Variants in PCDH15 observed in about 807,000 individuals in gnomAD.
PCDH15 encodes the protein protocadherin related 15.
A neutral mutation model predicts 178.5 loss-of-function variants in PCDH15; 129 were observed. The ratio of observed to expected loss-of-function variants is 0.72; its 90% CI spans 0.63 to 0.84. The LOEUF is 0.84. Ranked by LOEUF, PCDH15 falls within the 40% of genes least tolerant of loss-of-function variation. The pLI is 0.00. For missense variants in PCDH15, 2,230 were observed against 2,099.9 expected (o/e 1.06, Z -1.21); for synonymous variants, 800 against 732.0 (o/e 1.09, Z -1.50).
intron 2 of PCDH15, among the ~76,000 whole-genome samples, chr10:55,401,472 G>A (rs1838064536): frequency 6.6e-6 from 1 of 152,056 alleles, no homozygotes; most frequent in African/African-American, 2.4e-5. Context: ...GTACATCACT[G>A]TATTTGTAAT....
At chr10:54,746,685 T>C (rs1045072204) in intron 1 of PCDH15, among the ~76,000 whole-genome samples, 1 of 152,186 alleles carries the variant, frequency 6.6e-6, no homozygotes, top group Admixed American at 6.5e-5. Context: ...TCACAACCAG[T>C]ATATATATTT....
intron 28 of PCDH15, among the ~76,000 whole-genome samples, chr10:53,855,899 G>GATATATATATATATATATATATATAT (rs1324732057): frequency 1.3e-5 from 1 of 77,840 alleles, no homozygotes; most frequent in African/African-American, 7.4e-5. Flanking sequence ...AAAAAAAGGT[G>GATATATATATATATATATATATATAT]ATATGTATAT....
chr10:53,983,793 T>TA (rs1421795625), intron 21 of PCDH15, among the ~76,000 whole-genome samples: 1 of 152,184 alleles, frequency 6.6e-6, no homozygotes, highest in East Asian at 1.9e-4. Flanking sequence ...CAAAGGAACT[T>TA]AGAGATGAAC....
At chr10:55,369,150 C>A (rs1845436462) in intron 2 of PCDH15, among the ~76,000 whole-genome samples, 1 of 151,700 alleles carries the variant, frequency 6.6e-6, no homozygotes, top group Admixed American at 6.6e-5. Context: ...CTCTCTGTAA[C>A]CTTATCAACT....
At chr10:54,734,645 C>T (rs1943842222) in intron 1 of PCDH15, among the ~76,000 whole-genome samples, 1 of 151,838 alleles carries the variant, frequency 6.6e-6, no homozygotes, top group Non-Finnish European at 1.5e-5. Context: ...AAATGGTAAG[C>T]AATCGAAATG....
chr10:54,878,728 T>C (rs1954200162), intron 3 of PCDH15, among the ~76,000 whole-genome samples: 1 of 152,132 alleles, frequency 6.6e-6, no homozygotes, highest in Non-Finnish European at 1.5e-5. Context: ...GTTACATAGG[T>C]AAATGTGTGC....
intron 2 of PCDH15, among the ~76,000 whole-genome samples, chr10:54,980,810 TA>T: frequency 6.6e-6 from 1 of 152,224 alleles, no homozygotes; most frequent in Non-Finnish European, 1.5e-5. Context: ...TTATTGATAT[TA>T]AAATTGTACC....
At chr10:54,156,925 C>G (rs558855158) in intron 13 of PCDH15, among the ~76,000 whole-genome samples, 3 of 152,338 alleles carry the variant, frequency 2.0e-5, no homozygotes, top group African/African-American at 7.2e-5. Flanking sequence ...ATTAAAGCTC[C>G]AAAATGATCT....
chr10:54,279,449 CT>C (rs2058544970), intron 8 of PCDH15, among the ~76,000 whole-genome samples: 1 of 151,556 alleles, frequency 6.6e-6, no homozygotes, highest in Non-Finnish European at 1.5e-5. Context: ...AAACTCACAA[CT>C]TCAAAAAAAT....
intron 2 of PCDH15, among the ~76,000 whole-genome samples, chr10:54,980,782 G>C (rs1006353265): frequency 1.3e-5 from 2 of 151,266 alleles, no homozygotes; most frequent in African/African-American, 4.9e-5. Flanking sequence ...TTTTCTATTA[G>C]GTAATTTAAT....
At chr10:55,252,678 G>T (rs997956196) in intron 1 of PCDH15, among the ~76,000 whole-genome samples, 12 of 151,912 alleles carry the variant, frequency 7.9e-5, no homozygotes, top group Non-Finnish European at 2.9e-5. Context: ...AGGGCCAAGG[G>T]GGGTAAAGTG....
At chr10:54,613,975 A>C (rs1346682014) in intron 2 of PCDH15, among the ~76,000 whole-genome samples, 3 of 151,984 alleles carry the variant, frequency 2.0e-5, no homozygotes, top group Non-Finnish European at 2.9e-5. Flanking sequence ...TCCATTGAAT[A>C]GTTTATTATT....
intron 1 of PCDH15, among the ~76,000 whole-genome samples, chr10:54,712,219 T>C (rs10740589): frequency 0.57 from 86,660 of 151,550 alleles, 26,283 homozygotes; most frequent in Middle Eastern, 0.72. Flanking sequence ...CTATTGTCAG[T>C]AGAAAAATGA....
chr10:53,812,565 T>C (rs2075910048), intron 35 of PCDH15, among the ~76,000 whole-genome samples: 1 of 152,146 alleles, frequency 6.6e-6, no homozygotes, highest in Non-Finnish European at 1.5e-5. Flanking sequence ...ATAGAGGTCC[T>C]TTTAATATTT....
At chr10:54,708,905 A>G (rs1048672754) in intron 1 of PCDH15, among the ~76,000 whole-genome samples, 4 of 152,166 alleles carry the variant, frequency 2.6e-5, no homozygotes, top group African/African-American at 4.8e-5. Context: ...GATCTCTGAA[A>G]AAAAGGAAAC....
At chr10:55,397,836 G>C (rs1837966908) in intron 2 of PCDH15, among the ~76,000 whole-genome samples, 1 of 151,966 alleles carries the variant, frequency 6.6e-6, no homozygotes, top group Non-Finnish European at 1.5e-5. Context: ...TGATCCGCCC[G>C]CCTCGGCCTC....
chr10:54,760,648 C>T (rs1458344121), intron 1 of PCDH15, among the ~76,000 whole-genome samples: 2 of 152,224 alleles, frequency 1.3e-5, no homozygotes, highest in South Asian at 2.1e-4. Context: ...GTTCAATGAT[C>T]CATCCTTTGT....
At chr10:55,460,445 T>C (rs990271900) in intron 2 of PCDH15, among the ~76,000 whole-genome samples, 1 of 152,032 alleles carries the variant, frequency 6.6e-6, no homozygotes, top group Non-Finnish European at 1.5e-5. Context: ...TTGGGTGGGT[T>C]CTACTGATAA....
intron 18 of PCDH15, among the ~76,000 whole-genome samples, chr10:54,036,566 A>T (rs925480473): frequency 6.6e-6 from 1 of 151,816 alleles, no homozygotes; most frequent in Non-Finnish European, 1.5e-5. Context: ...CCCATGGTTG[A>T]GTCCTACTGC....
Sources: gnomAD v4.1 joint callset for allele counts (sites outside exome capture counted in the v4.1 genomes callset) on GRCh38, gnomAD v4.1.1 for gene constraint, MANE v1.5 for transcripts, NCBI Gene and HGNC (gene_info 2026-07-23, HGNC 2026-07-21) for gene names.